VDAC2: variants seen among roughly 807,000 people sequenced by gnomAD.
The protein encoded by VDAC2 is voltage dependent anion channel 2, also known as non-selective voltage-gated ion channel VDAC2.
Under a neutral mutation model 36.6 loss-of-function variants are expected in VDAC2, and 6 were observed. The observed-to-expected ratio is 0.16, with a 90% CI of 0.09 to 0.32. The LOEUF is 0.32. VDAC2 is among the 10% of genes least tolerant of loss of function. The pLI, the probability that VDAC2 is intolerant of heterozygous loss-of-function variation, is 1.00. For missense variants in VDAC2, 247 were observed against 346.0 expected (o/e 0.71, Z 2.27); for synonymous variants, 109 against 123.8 (o/e 0.88, Z 0.79).
intron 9 of VDAC2, among the ~76,000 whole-genome samples, chr10:75,230,015 G>A (rs956456751): frequency 2.6e-5 from 4 of 151,890 alleles, no homozygotes; most frequent in African/African-American, 9.7e-5. Flanking sequence ...CAGTTTCCTC[G>A]CTTGTATCTG....
chr10:75,212,810 A>T (rs1049962142), intron 3 of VDAC2, among the ~76,000 whole-genome samples: 1 of 152,224 alleles, frequency 6.6e-6, no homozygotes, highest in Non-Finnish European at 1.5e-5. Context: ...TAAAAACTGT[A>T]CTTAGAAGAT....
At chr10:75,218,760 CA>C (rs60291807) in intron 4 of VDAC2, among the ~76,000 whole-genome samples, 4,142 of 131,406 alleles carry the variant, frequency 0.032, 144 homozygotes, top group African/African-American at 0.092. Context: ...GACTCTGTCT[CA>C]AAAAAAAAAA....
At chr10:75,225,861 C>T (rs933981845) in intron 8 of VDAC2, among the ~76,000 whole-genome samples, 16 of 151,940 alleles carry the variant, frequency 1.1e-4, no homozygotes, top group African/African-American at 3.9e-4. Flanking sequence ...GGCGTGATCT[C>T]GGCTCACTGC....
chr10:75,217,166 A>G (rs569647919), intron 4 of VDAC2, among the ~76,000 whole-genome samples: 250 of 152,218 alleles, frequency 1.6e-3, no homozygotes, highest in Non-Finnish European at 2.1e-3. Context: ...CTGAGATAGG[A>G]GGATCGCTTG....
At chr10:75,229,080 G>A (rs1309185572) in intron 8 of VDAC2, among the ~76,000 whole-genome samples, 2 of 152,122 alleles carry the variant, frequency 1.3e-5, no homozygotes, top group Admixed American at 6.5e-5. Flanking sequence ...CAGCAGCACC[G>A]GCATTTATGA....
chr10:75,225,607 G>A (rs1039722457), intron 8 of VDAC2, among the ~76,000 whole-genome samples: 1 of 152,124 alleles, frequency 6.6e-6, no homozygotes, highest in Admixed American at 6.5e-5. Flanking sequence ...ATTTGCCAGC[G>A]AGCCTGGAAA....
Position 75,222,365 on chromosome 10 carries a change from C to T in VDAC2, c.698C>T (p.Ala233Val). 6.2e-7 allele frequency: 1 copy of T among 1,614,172 alleles called. No homozygotes were observed. The highest frequency in any genetic ancestry group is 8.5e-7 in the Non-Finnish European group (1 of 1,180,020). ...SGTNCTRFGI[A>V]AKYQLDPTAS... is the part of the protein sequence containing the mutation. The stretch of plus-strand genomic sequence containing the variant: ...ACCAACTGCACTCGTTTTGGCATTG[C>T]AGCTAAATATCAGTTGGATCCCACT... Residue 233 changes from alanine (A) to valine (V), a missense_variant, in exon 8 of 10, where the codon GCA (alanine) becomes GTA (valine). This residue lies in a region of VDAC2 where 159 missense variants were observed against 234.0 expected (regional missense o/e 0.68). Coordinates refer to ENST00000332211, the MANE Select transcript of VDAC2 (RefSeq NM_001391963.1).
intron 8 of VDAC2, among the ~76,000 whole-genome samples, chr10:75,224,513 A>T (rs1324146565): frequency 6.6e-6 from 1 of 152,174 alleles, no homozygotes; most frequent in African/African-American, 2.4e-5. Flanking sequence ...ATGGAGCCAC[A>T]ACTGTGCTGT....
At chr10:75,217,029 A>G (rs1460624139) in intron 4 of VDAC2, among the ~76,000 whole-genome samples, 1 of 152,136 alleles carries the variant, frequency 6.6e-6, no homozygotes, top group Admixed American at 6.5e-5. Context: ...CCAAGGCAGG[A>G]GGATCCCTTG....
chr10:75,221,652 T>G (rs1039879873), intron 7 of VDAC2, among the ~76,000 whole-genome samples: 1 of 152,162 alleles, frequency 6.6e-6, no homozygotes, highest in African/African-American at 2.4e-5. Flanking sequence ...TTTAATTATT[T>G]TTGTAGAGAT....
Position 75,219,306 on chromosome 10 carries a change from T to C in VDAC2, c.306T>C (p.Ile102=). ...LGTEIAIEDQ[I]CQGLKLTFDT... ...AAATTACTTTTCTTTCAAAATAGAT[T>C]TGTCAAGGTTTGAAACTGACATTTG... Residue 102 remains isoleucine, a splice_region_variant and synonymous_variant, in exon 6 of 10, where the codon ATT becomes ATC. Coordinates refer to ENST00000332211, the MANE Select transcript of VDAC2 (RefSeq NM_001391963.1). 6.3e-7 allele frequency: 1 copy of C among 1,594,744 alleles called. No individual in the cohort carries two copies. The highest frequency in any genetic ancestry group is 1.2e-5 in the South Asian group (1 of 85,570).
chr10:75,221,352 CTTTCTTTTTTTG>C (rs1841807334), intron 7 of VDAC2, among the ~76,000 whole-genome samples: 1 of 150,512 alleles, frequency 6.6e-6, no homozygotes, highest in Non-Finnish European at 1.5e-5. Context: ...TTTCTTTTTT[CTTTCTTTTTTTG>C]TTTTGGTTCA....
At chr10:75,223,430 C>A (rs1225237749) in intron 8 of VDAC2, among the ~76,000 whole-genome samples, 4 of 152,148 alleles carry the variant, frequency 2.6e-5, no homozygotes, top group African/African-American at 7.2e-5. Flanking sequence ...ACTAGGAGTT[C>A]ATAGTTAAAA....
rs142791341 is a variant in VDAC2 at position 75,211,178 on chromosome 10, C to T, written c.20C>T (p.Thr7Ile). Residue 7 changes from threonine (T) to isoleucine (I), a missense_variant, in exon 2 of 10, where the codon ACT becomes ATT. Coordinates refer to ENST00000332211, the MANE Select transcript of VDAC2 (RefSeq NM_001391963.1). MATHGQTCARPMCIPPS... is the reference protein window; with the variant it reads MATHGQICARPMCIPPS... ...CTCGCCATGGCGACCCACGGACAGA[C>T]TTGCGCGCGTCGTAAGTAAAGCTGG... 114 of 1,613,388 alleles carry T rather than the reference C, an allele frequency of 7.1e-5. 1 individual carries two copies. The highest frequency in any genetic ancestry group is 5.0e-4 in the Middle Eastern group (3 of 6,058).
At chr10:75,217,218 C>T (rs907178945) in intron 4 of VDAC2, among the ~76,000 whole-genome samples, 2 of 152,134 alleles carry the variant, frequency 1.3e-5, no homozygotes, top group African/African-American at 4.8e-5. Flanking sequence ...GACTGTGGCA[C>T]TGTACTCCAA....
chr10:75,220,399 A>T (rs987205933), intron 6 of VDAC2, among the ~76,000 whole-genome samples: 7 of 152,162 alleles, frequency 4.6e-5, no homozygotes, highest in Admixed American at 2.6e-4. Flanking sequence ...GGGAGCCACC[A>T]TGCCTGGCCC....
At chr10:75,215,721 G>T (rs867566383) in intron 4 of VDAC2, among the ~76,000 whole-genome samples, 213 of 135,874 alleles carry the variant, frequency 1.6e-3, no homozygotes, top group African/African-American at 5.0e-3. Context: ...TTTTTGTTTT[G>T]TTTTTTTTTT....
rs147954706 is a variant in VDAC2 at position 75,226,451 on chromosome 10, G to GTTTT, written c.736-3173_736-3170dup. Reference sequence around the variant, plus strand: ...AAAAGTGAAAGACAGTCTTTTGTGGGTTTTTTTTTTTTTTTTTTTTTTTAA... The same window carrying GTTTT: ...AAAAGTGAAAGACAGTCTTTTGTGGGTTTTTTTTTTTTTTTTTTTTTTTTTTTAA... On this transcript the variant is annotated intron_variant, in intron 8 of 9. Transcript: ENST00000332211. Among the ~76,000 whole-genome samples, 822 of 100,856 alleles carry GTTTT rather than the reference G, an allele frequency of 8.2e-3. 27 individuals are homozygous for GTTTT. The highest frequency in any genetic ancestry group is 0.031 in the African/African-American group (776 of 25,226). The allele number at this position is 100,856 out of a possible 152,430, so 66.2% of individuals were successfully genotyped here.
At chr10:75,221,280 G>T (rs1263497378) in intron 7 of VDAC2, among the ~76,000 whole-genome samples, 1 of 152,166 alleles carries the variant, frequency 6.6e-6, no homozygotes, top group Non-Finnish European at 1.5e-5. Context: ...TGATGTGTGA[G>T]ATGCTGACTT....
Sources: allele counts gnomAD v4.1 joint callset (sites outside exome capture counted in the v4.1 genomes callset), GRCh38; gene constraint gnomAD v4.1.1; regional missense constraint gnomAD v4.1.1; transcripts MANE v1.5; gene names NCBI Gene and HGNC (gene_info 2026-07-23, HGNC 2026-07-21).